Variants in CHM observed in about 807,000 individuals in gnomAD.
CHM encodes rab proteins geranylgeranyltransferase component A 1.
In CHM, 10 loss-of-function variants were observed where a neutral mutation model predicts 49.0. The ratio of observed to expected loss-of-function variants is 0.20; its 90% confidence interval spans 0.13 to 0.35. The LOEUF is 0.35. Among genes scored for constraint, CHM ranks in the 10% least tolerant of loss-of-function variants. The pLI, the probability that CHM is intolerant of heterozygous loss-of-function variation, is 1.00. For synonymous variants in CHM, 184 were observed against 167.5 expected (o/e 1.10, Z -0.76); for missense variants, 455 against 478.4 (o/e 0.95, Z 0.46).
At chrX:86,002,680 G>A (rs934496476) in intron 2 of CHM, among the ~76,000 whole-genome samples, 11 of 112,311 alleles carry the variant, frequency 9.8e-5, no homozygotes, top group African/African-American at 3.6e-4. Flanking sequence ...CAGCCTGGCT[G>A]GGGGAGGGGC....
At chrX:86,030,921 T>C (rs1569259471) in intron 1 of CHM, among the ~76,000 whole-genome samples, 1 of 111,128 alleles carries the variant, frequency 9.0e-6, no homozygotes, top group Non-Finnish European at 1.9e-5. Flanking sequence ...CATGGATCAG[T>C]ACTTCATTAC....
intron 2 of CHM, among the ~76,000 whole-genome samples, chrX:86,022,127 A>G (rs775216910): frequency 4.5e-5 from 5 of 112,041 alleles, no homozygotes; most frequent in Non-Finnish European, 9.4e-5. Context: ...ATGTGAACAT[A>G]CTGAACACTG....
intron 8 of CHM, among the ~76,000 whole-genome samples, chrX:85,939,674 G>A (rs1325406691): frequency 8.9e-6 from 1 of 112,413 alleles, no homozygotes; most frequent in Non-Finnish European, 1.9e-5. Context: ...ATATGCGTAT[G>A]TGCACATTAT....
chrX:85,940,742 A>G (rs185739988), intron 8 of CHM, among the ~76,000 whole-genome samples: 1 of 112,013 alleles, frequency 8.9e-6, no homozygotes, highest in East Asian at 2.8e-4. Context: ...AGGTATGAAC[A>G]GACTACTGAT....
intron 2 of CHM, among the ~76,000 whole-genome samples, chrX:86,010,214 G>T (rs1429600969): frequency 4.5e-5 from 4 of 88,823 alleles, no homozygotes; most frequent in African/African-American, 1.3e-4. Context: ...GGGTGGGGGG[G>T]GCTGGAGGAG....
In CHM at chrX:85,917,874, C is replaced by A. The variant is rs1166635447; in HGVS notation, c.1167-6536G>T. ...ACACAGACAAAATTTTTTAAAAGAACTGAAAAACTGAACAAAACCTCTGAG... is the reference window on the plus strand; with the variant it reads ...ACACAGACAAAATTTTTTAAAAGAAATGAAAAACTGAACAAAACCTCTGAG... On this transcript the variant is annotated intron_variant, in intron 8 of 14. Coordinates refer to ENST00000357749, the MANE Select transcript of CHM (RefSeq NM_000390.4). 2.7e-5 allele frequency among the ~76,000 whole-genome samples: 3 copies of A among 109,600 alleles called. No homozygotes were observed. In the East Asian group the frequency reaches 8.5e-4, roughly 31 times the overall value.
At chrX:85,872,338 G>A (rs189626978) in intron 14 of CHM, among the ~76,000 whole-genome samples, 10 of 111,781 alleles carry the variant, frequency 8.9e-5, no homozygotes, top group Admixed American at 2.9e-4. Flanking sequence ...GTTTGTTTTC[G>A]TCCTGTCCAG....
intron 2 of CHM, among the ~76,000 whole-genome samples, chrX:85,983,054 G>A (rs1931715705): frequency 9.0e-6 from 1 of 111,219 alleles, no homozygotes; most frequent in African/African-American, 3.3e-5. Flanking sequence ...TCTGATTCAT[G>A]TTTCCTAAAT....
At chrX:86,005,866 C>T (rs994035353) in intron 2 of CHM, among the ~76,000 whole-genome samples, 6 of 111,871 alleles carry the variant, frequency 5.4e-5, no homozygotes, top group African/African-American at 1.6e-4. Context: ...CCTTCTGAAA[C>T]TATTCCAATC....
chrX:85,942,722 T>C (rs1241890887), intron 8 of CHM, among the ~76,000 whole-genome samples: 2 of 107,755 alleles, frequency 1.9e-5, no homozygotes, highest in Admixed American at 2.0e-4. Flanking sequence ...AGGAAACCAA[T>C]GGGGATGGGG....
At position 85,903,302 on chromosome X, in the gene CHM, G is replaced by A. The variant is rs146506364; in HGVS notation, c.1245-2114C>T. ...ATCATAAAATGTTAAAATAAAACTGGGGGAGGGGGTCAGTGTTAATATAAA... is the reference window on the plus strand; with the variant it reads ...ATCATAAAATGTTAAAATAAAACTGAGGGAGGGGGTCAGTGTTAATATAAA... On this transcript the variant is annotated intron_variant, in intron 9 of 14. Coordinates refer to ENST00000357749, the MANE Select transcript of CHM (RefSeq NM_000390.4). 7.8e-3 allele frequency among the ~76,000 whole-genome samples: 864 copies of A among 110,917 alleles called. 5 individuals are homozygous for A. Among genetic ancestry groups the A allele is most frequent in the African/African-American group, 0.026 (785 of 30,526 alleles).
chrX:85,996,632 A>C (rs767859234), intron 2 of CHM, among the ~76,000 whole-genome samples: 1 of 111,667 alleles, frequency 9.0e-6, no homozygotes, highest in South Asian at 3.8e-4. Flanking sequence ...GATAAAAAGC[A>C]ACATACCTCC....
chrX:85,938,652 C>CTTT (rs1928926750), intron 8 of CHM, among the ~76,000 whole-genome samples: 1 of 108,719 alleles, frequency 9.2e-6, no homozygotes, highest in Admixed American at 1.0e-4. Flanking sequence ...TAGCTATGCA[C>CTTT]ATTATACGCA....
chrX:86,025,990 A>G (rs1933792518), intron 2 of CHM, among the ~76,000 whole-genome samples: 1 of 110,619 alleles, frequency 9.0e-6, no homozygotes, highest in South Asian at 3.9e-4. Flanking sequence ...AGAAATGAGA[A>G]GCAAGAATTT....
At chrX:86,012,353 G>A (rs767202301) in intron 2 of CHM, among the ~76,000 whole-genome samples, 16 of 111,823 alleles carry the variant, frequency 1.4e-4, no homozygotes, top group Non-Finnish European at 2.8e-4. Flanking sequence ...AATTTAAAAG[G>A]GAGCAAAGAC....
chrX:86,010,179 C>A (rs1932999011), intron 2 of CHM, among the ~76,000 whole-genome samples: 1 of 61,142 alleles, frequency 1.6e-5, no homozygotes, highest in African/African-American at 6.6e-5. Context: ...CACACCGGGG[C>A]CTGTAGAGGG....
At chrX:85,890,208 T>G (rs1925354638) in intron 12 of CHM, among the ~76,000 whole-genome samples, 1 of 111,929 alleles carries the variant, frequency 8.9e-6, no homozygotes, top group Admixed American at 9.5e-5. Flanking sequence ...AAATGGAAAT[T>G]TGAAAAATAA....
intron 11 of CHM, among the ~76,000 whole-genome samples, chrX:85,894,653 T>A (rs997062288): frequency 9.0e-5 from 10 of 111,614 alleles, no homozygotes; most frequent in African/African-American, 3.3e-4. Context: ...TGTTAGATTT[T>A]AGATATTCAG....
At chrX:86,007,953 C>T (rs1932900279) in intron 2 of CHM, among the ~76,000 whole-genome samples, 2 of 112,209 alleles carry the variant, frequency 1.8e-5, no homozygotes, top group African/African-American at 6.5e-5. Flanking sequence ...AAGACACATG[C>T]ACACGTATGT....
Sources: gnomAD v4.1 joint callset for allele counts (sites outside exome capture counted in the v4.1 genomes callset) on GRCh38, gnomAD v4.1.1 for gene constraint, MANE v1.5 for transcripts, NCBI Gene and HGNC (gene_info 2026-07-23, HGNC 2026-07-21) for gene names.